Variants in RERE observed in about 807,000 individuals in gnomAD.
RERE encodes arginine-glutamic acid dipeptide repeats.
A neutral mutation model predicts 146.1 loss-of-function variants in RERE; 40 were observed. That is an observed-to-expected ratio of 0.27 (90% CI 0.21 to 0.36). The LOEUF (loss-of-function observed/expected upper bound fraction) is 0.36, where lower values mean the gene tolerates loss of function less well. Ranked by LOEUF, RERE falls within the 10% of genes least tolerant of loss-of-function variation. The pLI is 1.00. For synonymous variants in RERE, 1,003 were observed against 866.0 expected, an observed-to-expected ratio of 1.16 and a Z score of -2.78; for missense variants, 1,933 against 2,138.7, an observed-to-expected ratio of 0.90 and a Z score of 1.90.
chr1:8,801,365 A>C lies in RERE; in HGVS notation c.-145+15795T>G, dbSNP rs573392622. Among the ~76,000 whole-genome samples, 15 of 151,896 alleles carry C rather than the reference A, an allele frequency of 9.9e-5. No homozygotes were observed. In the South Asian group the frequency reaches 2.7e-3, roughly 27 times the overall value. ...GATCACCGGAACCTCCACCTCCCAG[A>C]TTCAAGTGATTCTCCTGCCTCAGCC... is the stretch of plus-strand genomic sequence containing the variant. On this transcript the variant is annotated intron_variant, in intron 1 of 22. Transcript: ENST00000400908.
At chr1:8,390,647 A>AT (rs35106965) in intron 12 of RERE, among the ~76,000 whole-genome samples, 111,593 of 152,022 alleles carry the variant, frequency 0.73, 41,479 homozygotes, top group East Asian at 0.91. Context: ...TCTAGTAAAT[A>AT]TTTTAAAACT....
chr1:8,613,211 G>A (rs142373175), intron 4 of RERE, among the ~76,000 whole-genome samples: 2,315 of 152,238 alleles, frequency 0.015, 60 homozygotes, highest in African/African-American at 0.053. Context: ...CTTGCCTAGA[G>A]TAAAAAAGCT....
chr1:8,361,294 G>C lies in RERE; in HGVS notation c.2213C>G (p.Pro738Arg). The change falls in exon 18 of 23, where the codon CCC (proline) becomes CGC (arginine). Residue 738 changes from proline to arginine, a missense_variant. Physicochemically the swap from Pro to Arg is moderately radical, Grantham distance 103. Around this residue, in one of 11 missense-constraint regions of RERE, gnomAD observed 1,255 missense variants for 1,153.8 expected, o/e 1.09. Coordinates refer to ENST00000400908, the MANE Select transcript of RERE (RefSeq NM_001042681.2). ...CCCAGTGGGAGCCTGCAAGGCTGGGGGCTGGGCCTGCAGCATCTGCTGCTG... is the reference window on the plus strand; with the variant it reads ...CCCAGTGGGAGCCTGCAAGGCTGGGCGCTGGGCCTGCAGCATCTGCTGCTG... The part of the protein sequence containing the change: ...SAQQQMLQAQ[P>R]PALQAPTGVT... 6.2e-7 allele frequency: 1 copy of C among 1,606,630 alleles called. No individual in the cohort carries two copies. The highest frequency in any genetic ancestry group is 8.5e-7 in the Non-Finnish European group (1 of 1,176,474).
At chr1:8,502,485 G>GGCCA (rs1645184844) in intron 8 of RERE, among the ~76,000 whole-genome samples, 1 of 125,442 alleles carries the variant, frequency 8.0e-6, no homozygotes, top group Non-Finnish European at 1.7e-5. Context: ...CCCCCTGCCC[G>GGCCA]GCCAGCCGCC....
At chr1:8,497,608 A>G in intron 8 of RERE, 79 bp from the exon 9 acceptor site, 1 of 1,485,550 alleles carries the variant, frequency 6.7e-7, no homozygotes, top group African/African-American at 1.4e-5. Context: ...AGTCTTTAGG[A>G]ACATATACAA....
intron 12 of RERE, among the ~76,000 whole-genome samples, chr1:8,383,076 T>C (rs1283462011): frequency 6.6e-6 from 1 of 151,824 alleles, no homozygotes; most frequent in Non-Finnish European, 1.5e-5. Flanking sequence ...TCTATCATGT[T>C]TCCCCTAGAA....
At chr1:8,540,851 T>C (rs958053277) in intron 7 of RERE, among the ~76,000 whole-genome samples, 1 of 152,206 alleles carries the variant, frequency 6.6e-6, no homozygotes, top group Non-Finnish European at 1.5e-5. Flanking sequence ...TTTTTCAATA[T>C]GGTATTATGG....
At chr1:8,659,700 T>C (rs1234547645) in intron 1 of RERE, among the ~76,000 whole-genome samples, 1 of 152,264 alleles carries the variant, frequency 6.6e-6, no homozygotes, top group Non-Finnish European at 1.5e-5. Context: ...AACTGCAGTT[T>C]CAGACAGAAA....
At chr1:8,558,380 AG>A (rs1646031905) in intron 4 of RERE, among the ~76,000 whole-genome samples, 1 of 152,182 alleles carries the variant, frequency 6.6e-6, no homozygotes, top group South Asian at 2.1e-4. Flanking sequence ...ATAGCTCAAC[AG>A]GGAGTGCACT....
chr1:8,604,598 A>AGGGAGGG (rs1557428914), intron 4 of RERE, among the ~76,000 whole-genome samples: 5 of 80,672 alleles, frequency 6.2e-5, no homozygotes, highest in African/African-American at 2.0e-4. Context: ...GGAAGGAAGG[A>AGGGAGGG]AGGGAGGGAG....
At chr1:8,433,593 G>A (rs1022883501) in intron 11 of RERE, among the ~76,000 whole-genome samples, 2 of 135,298 alleles carry the variant, frequency 1.5e-5, no homozygotes, top group Non-Finnish European at 3.0e-5. Flanking sequence ...TCGCTCTGTC[G>A]CCCAGGTCGG....
chr1:8,589,501 T>A (rs889056119), intron 4 of RERE, among the ~76,000 whole-genome samples: 17 of 152,222 alleles, frequency 1.1e-4, no homozygotes, highest in Admixed American at 1.3e-4. Context: ...ATCAGCTTGC[T>A]AAATTCCAAG....
intron 1 of RERE, among the ~76,000 whole-genome samples, chr1:8,727,836 C>A (rs1364482782): frequency 6.6e-6 from 1 of 152,180 alleles, no homozygotes; most frequent in African/African-American, 2.4e-5. Context: ...CCCCAAAGGA[C>A]AGGAATGCAC....
In RERE at chr1:8,800,378, A is replaced by C. The variant is rs564238607; in HGVS notation, c.-145+16782T>G. 2.0e-5 allele frequency among the ~76,000 whole-genome samples: 3 copies of C among 152,346 alleles called. No homozygotes were observed. In the East Asian group the frequency reaches 5.8e-4, roughly 29 times the overall value. On this transcript the variant is annotated intron_variant, in intron 1 of 22. Transcript: ENST00000400908. Reference sequence around the variant, plus strand: ...GCTTTTATTATTTAAATGTGTTTTAAAAATAAATGACACTCAGAACGAAGT... The same window carrying C: ...GCTTTTATTATTTAAATGTGTTTTACAAATAAATGACACTCAGAACGAAGT...
In RERE at chr1:8,511,010, T is replaced by C. The variant is rs1645328266; in HGVS notation, c.831-2335A>G. Among the ~76,000 whole-genome samples, 4 of 152,184 alleles carry C rather than the reference T, an allele frequency of 2.6e-5. 1 individual carries two copies. In the South Asian group the frequency reaches 8.3e-4, roughly 32 times the overall value. On this transcript the variant is annotated intron_variant, in intron 7 of 22. Coordinates refer to ENST00000400908, the MANE Select transcript of RERE (RefSeq NM_001042681.2). ...GCTCAAAGGGACCCCCACCTCAGCC[T>C]CCCAAAGCGCTGGAATTACAGACAT...
In RERE at chr1:8,352,531, A is replaced by T. The variant is rs1370122533; in HGVS notation, c.*2556T>A. On this transcript the variant is annotated 3_prime_UTR_variant, in exon 23 of 23. Transcript: ENST00000400908. ...TGTTTACACTGTGTTATCTCATGGC[A>T]AACTACTCATATATACATTTAGCTT... 4 of 152,494 alleles carry T rather than the reference A, an allele frequency of 2.6e-5. No individual in the cohort carries two copies. The East Asian group carries it at 7.7e-4, about 29-fold the overall frequency. 9.4% of individuals were successfully genotyped at this position (152,494 alleles called of 1,614,324 possible).
At chr1:8,514,107 G>A (rs972690249) in intron 7 of RERE, among the ~76,000 whole-genome samples, 3 of 152,190 alleles carry the variant, frequency 2.0e-5, no homozygotes, top group African/African-American at 7.2e-5. Flanking sequence ...GTCAGGCTCA[G>A]AGTGGTGAGT....
At chr1:8,498,571 C>T (rs943708420) in intron 8 of RERE, among the ~76,000 whole-genome samples, 2 of 150,996 alleles carry the variant, frequency 1.3e-5, no homozygotes, top group African/African-American at 4.9e-5. Flanking sequence ...TGGTATGTGC[C>T]TGTAATCCCA....
chr1:8,356,730 T>A lies in RERE; in HGVS notation c.4340-484A>T, dbSNP rs1235449305. 6.6e-6 allele frequency among the ~76,000 whole-genome samples: 1 copy of A among 152,124 alleles called. No homozygotes were observed. Among genetic ancestry groups the A allele is most frequent in the Non-Finnish European group, 1.5e-5 (1 of 67,996 alleles). On this transcript the variant is annotated intron_variant, in intron 20 of 22. Transcript: ENST00000400908. The surrounding 1 kb of genome is among the most constrained non-coding windows in gnomAD (Gnocchi z 5.2). ...GCAGAATGGGGACCTGGCACAGCAC[T>A]GCCCTCTCCTCTCTGCTGGCACAAA...
Sources: allele counts gnomAD v4.1 joint callset (sites outside exome capture counted in the v4.1 genomes callset), GRCh38; gene constraint gnomAD v4.1.1; regional missense constraint gnomAD v4.1.1; non-coding constraint Gnocchi (gnomAD v3.1); transcripts MANE v1.5; gene names NCBI Gene and HGNC (gene_info 2026-07-23, HGNC 2026-07-21).